Variants in SORCS2 observed in about 807,000 individuals in gnomAD.
SORCS2 encodes VPS10 domain-containing receptor SorCS2.
SORCS2 carries 100 observed loss-of-function variants against 141.6 expected under a neutral mutation model. That is an observed-to-expected ratio of 0.71 (90% confidence interval 0.60 to 0.83). The LOEUF is 0.83. Among genes scored for constraint, SORCS2 ranks in the 40% least tolerant of loss-of-function variants. The pLI is 0.00. For synonymous variants in SORCS2, 789 were observed against 676.9 expected, an observed-to-expected ratio of 1.17 and a Z score of -2.57; for missense variants, 1,646 against 1,560.2, an observed-to-expected ratio of 1.05 and a Z score of -0.93.
At chr4:7,473,442 C>T (rs1730102927) in intron 2 of SORCS2, among the ~76,000 whole-genome samples, 1 of 152,130 alleles carries the variant, frequency 6.6e-6, no homozygotes, top group Non-Finnish European at 1.5e-5. Flanking sequence ...AGAAGAGGGG[C>T]TTCACCCTGC....
At chr4:7,585,200 G>A (rs1162977396) in intron 3 of SORCS2, among the ~76,000 whole-genome samples, 2 of 152,174 alleles carry the variant, frequency 1.3e-5, no homozygotes, top group African/African-American at 4.8e-5. Context: ...GATGGTCGGG[G>A]AAGCCTCTTG....
chr4:7,394,110 T>G (rs1197268554), intron 1 of SORCS2, among the ~76,000 whole-genome samples: 1 of 151,852 alleles, frequency 6.6e-6, no homozygotes, highest in Non-Finnish European at 1.5e-5. Context: ...TTGAAGCCAG[T>G]AGAACGATTC....
intron 1 of SORCS2, among the ~76,000 whole-genome samples, chr4:7,390,794 G>A (rs905758716): frequency 6.6e-6 from 1 of 152,180 alleles, no homozygotes; most frequent in Non-Finnish European, 1.5e-5. Flanking sequence ...TATGAAAATG[G>A]TCTTTTAGAA....
intron 1 of SORCS2, among the ~76,000 whole-genome samples, chr4:7,396,034 A>T (rs924920838): frequency 2.0e-4 from 30 of 152,200 alleles, no homozygotes; most frequent in Admixed American, 1.7e-3. Context: ...TACTGTGTGG[A>T]TGTCACTGGA....
chr4:7,481,288 A>T (rs1238474308), intron 2 of SORCS2, among the ~76,000 whole-genome samples: 1 of 152,254 alleles, frequency 6.6e-6, no homozygotes, highest in Non-Finnish European at 1.5e-5. Flanking sequence ...CTCACCACAC[A>T]GGGGTCTTCG....
At chr4:7,556,946 C>CTCACTCACATATCCAT (rs1714178483) in intron 3 of SORCS2, among the ~76,000 whole-genome samples, 1 of 149,858 alleles carries the variant, frequency 6.7e-6, no homozygotes, top group African/African-American at 2.5e-5. Flanking sequence ...CATCCACCCA[C>CTCACTCACATATCCAT]TCACTCACAT....
chr4:7,732,382 C>G (rs142267444), intron 23 of SORCS2, among the ~76,000 whole-genome samples: 1 of 152,074 alleles, frequency 6.6e-6, no homozygotes, highest in Non-Finnish European at 1.5e-5. Context: ...TGAGAGGGGC[C>G]GGGAGGGAGT....
intron 1 of SORCS2, among the ~76,000 whole-genome samples, chr4:7,350,336 C>T (rs931835308): frequency 6.6e-6 from 1 of 152,250 alleles, no homozygotes; most frequent in Non-Finnish European, 1.5e-5. Flanking sequence ...AGTCAGGCCA[C>T]CTCCCGTTAT....
intron 1 of SORCS2, among the ~76,000 whole-genome samples, chr4:7,248,373 CCA>C (rs1394819792): frequency 1.3e-5 from 2 of 152,184 alleles, no homozygotes; most frequent in African/African-American, 4.8e-5. Flanking sequence ...ATTATAATCA[CCA>C]CACCAGGTGC....
At chr4:7,366,056 G>T (rs1008582778) in intron 1 of SORCS2, among the ~76,000 whole-genome samples, 2 of 152,150 alleles carry the variant, frequency 1.3e-5, no homozygotes, top group Non-Finnish European at 2.9e-5. Flanking sequence ...GTCAGCGCAG[G>T]CACCTCAGTT....
At position 7,575,898 on chromosome 4, in the gene SORCS2, G is replaced by C. The variant is rs188248734; in HGVS notation, c.648+44269G>C. ...GGCGAAGGAAGGTGAATTATCTGTT[G>C]TTTCTGTTTCTGTTCAGTAATTTGA... On this transcript the variant is annotated intron_variant, in intron 3 of 26. Coordinates refer to ENST00000507866, the MANE Select transcript of SORCS2 (RefSeq NM_020777.3). 1.5e-3 allele frequency among the ~76,000 whole-genome samples: 222 copies of C among 152,308 alleles called. 2 individuals are homozygous for C. Among genetic ancestry groups the C allele is most frequent in the African/African-American group, 5.0e-3 (209 of 41,564 alleles).
Position 7,651,145 on chromosome 4 carries a change from G to A in SORCS2, c.814-2989G>A, listed in dbSNP as rs573185177. ...ACATATTGAAATGCAAATGAACACC[G>A]AGCCAGAGTCAGAGGAGAGGCAAGG... On this transcript the variant is annotated intron_variant, in intron 4 of 26. Transcript: ENST00000507866. 7.2e-5 allele frequency among the ~76,000 whole-genome samples: 11 copies of A among 152,234 alleles called. No homozygotes were observed. In the East Asian group the frequency reaches 1.5e-3, roughly 21 times the overall value.
At chr4:7,668,581 C>T (rs1003075171) in intron 8 of SORCS2, among the ~76,000 whole-genome samples, 4 of 152,158 alleles carry the variant, frequency 2.6e-5, no homozygotes, top group Admixed American at 2.6e-4. Flanking sequence ...CAGACCTCTC[C>T]TGAGCCAGAA....
chr4:7,606,490 T>A (rs770866424), intron 3 of SORCS2, among the ~76,000 whole-genome samples: 22 of 152,142 alleles, frequency 1.4e-4, no homozygotes, highest in Admixed American at 2.6e-4. Flanking sequence ...CCCAGACCTG[T>A]AAGCTTCACC....
chr4:7,720,659 C>A (rs1222590523), intron 18 of SORCS2, among the ~76,000 whole-genome samples: 1 of 152,212 alleles, frequency 6.6e-6, no homozygotes, highest in Non-Finnish European at 1.5e-5. Flanking sequence ...AGCAAGGAAA[C>A]AAACCGTCCA....
chr4:7,649,978 C>T (rs1048707223), intron 4 of SORCS2, among the ~76,000 whole-genome samples: 4 of 152,060 alleles, frequency 2.6e-5, no homozygotes, highest in Admixed American at 1.3e-4. Context: ...CTGATCCTGG[C>T]GGCTATTAGT....
At chr4:7,501,095 G>T (rs947888065) in intron 2 of SORCS2, among the ~76,000 whole-genome samples, 1 of 152,184 alleles carries the variant, frequency 6.6e-6, no homozygotes, top group Non-Finnish European at 1.5e-5. Context: ...TTTTCTCAGG[G>T]TGCTGACCTG....
chr4:7,210,315 T>G (rs1727987716), intron 1 of SORCS2, among the ~76,000 whole-genome samples: 1 of 152,246 alleles, frequency 6.6e-6, no homozygotes, highest in Admixed American at 6.5e-5. Flanking sequence ...GCGGGGCTTC[T>G]CTGTGGCTCA....
chr4:7,563,954 G>A lies in SORCS2; in HGVS notation c.648+32325G>A, dbSNP rs114873341. Among the ~76,000 whole-genome samples the A allele has an allele frequency of 4.2e-3, 636 of 152,280 alleles. 9 individuals are homozygous for A. Among genetic ancestry groups the A allele is most frequent in the African/African-American group, 0.014 (601 of 41,556 alleles). The stretch of plus-strand genomic sequence containing the variant: ...TGGTACTTGTTAGAAATTACTTTAT[G>A]AAACATAAGATGTCAGGTTAATTTA... On this transcript the variant is annotated intron_variant, in intron 3 of 26. Coordinates refer to ENST00000507866, the MANE Select transcript of SORCS2 (RefSeq NM_020777.3).
Sources: gnomAD v4.1 joint callset for allele counts (sites outside exome capture counted in the v4.1 genomes callset) on GRCh38, gnomAD v4.1.1 for gene constraint, MANE v1.5 for transcripts, NCBI Gene and HGNC (gene_info 2026-07-23, HGNC 2026-07-21) for gene names.